The following DYM variants were observed in gnomAD, a reference collection of about 807,000 sequenced individuals.
The protein encoded by DYM is dyggve-Melchior-Clausen syndrome protein.
Under a neutral mutation model 93.1 loss-of-function variants are expected in DYM, and 78 were observed. That is an observed-to-expected ratio of 0.84 (90% CI 0.70 to 1.01). The LOEUF is 1.01. Among genes scored for constraint, DYM ranks in the 50% least tolerant of loss-of-function variants. The pLI, the probability that DYM is intolerant of heterozygous loss-of-function variation, is 0.00. For synonymous variants in DYM, 321 were observed against 319.7 expected, an observed-to-expected ratio of 1.00 and a Z score of -0.04; for missense variants, 789 against 845.0, an observed-to-expected ratio of 0.93 and a Z score of 0.82.
chr18:49,343,100 A>T (rs970433717), intron 6 of DYM, among the ~76,000 whole-genome samples: 1 of 152,208 alleles, frequency 6.6e-6, no homozygotes, highest in African/African-American at 2.4e-5. Flanking sequence ...TTGTCTGAGG[A>T]TAGTTCTTAT....
At chr18:49,314,393 A>G (rs972295811) in intron 8 of DYM, among the ~76,000 whole-genome samples, 4 of 152,312 alleles carry the variant, frequency 2.6e-5, no homozygotes, top group Admixed American at 2.6e-4. Context: ...ACTTGCTTCA[A>G]GCCTGAGACC....
chr18:49,077,010 G>C (rs1053765997), intron 17 of DYM, among the ~76,000 whole-genome samples: 1 of 152,046 alleles, frequency 6.6e-6, no homozygotes, highest in African/African-American at 2.4e-5. Flanking sequence ...CTTCACAGGA[G>C]GACTTTTTTC....
At chr18:49,206,010 TG>T (rs67206304) in intron 14 of DYM, 38 of 172,928 alleles carry the variant, frequency 2.2e-4, no homozygotes, top group Middle Eastern at 2.1e-3. Flanking sequence ...TTTGTTTTTT[TG>T]TTTTTTGCGG....
intron 15 of DYM, among the ~76,000 whole-genome samples, chr18:49,123,179 T>C (rs2082529929): frequency 6.6e-6 from 1 of 152,250 alleles, no homozygotes; most frequent in South Asian, 2.1e-4. Context: ...ATTATGATCA[T>C]GACTGCTATC....
At chr18:49,137,902 C>T (rs1320499579) in intron 15 of DYM, among the ~76,000 whole-genome samples, 1 of 152,162 alleles carries the variant, frequency 6.6e-6, no homozygotes, top group East Asian at 1.9e-4. Flanking sequence ...ATCTCTGCCA[C>T]ATTTCATCAA....
intron 11 of DYM, among the ~76,000 whole-genome samples, chr18:49,263,394 C>CAG (rs2145307368): frequency 1.3e-5 from 2 of 150,656 alleles, no homozygotes; most frequent in South Asian, 4.3e-4. Context: ...GCTGGGATTA[C>CAG]AGGCGTGAGC....
chr18:49,205,734 AG>A (rs1325304407), intron 14 of DYM, among the ~76,000 whole-genome samples: 1 of 152,194 alleles, frequency 6.6e-6, no homozygotes, highest in Non-Finnish European at 1.5e-5. Flanking sequence ...CCTCATAGAC[AG>A]CACAGTTTAC....
chr18:49,363,320 G>A, intron 5 of DYM, 87 bp from the exon 6 acceptor site: 1 of 912,168 alleles, frequency 1.1e-6, no homozygotes, highest in Non-Finnish European at 1.8e-6. Context: ...TTCCTAATGA[G>A]AATACAAACA....
Position 49,081,076 on chromosome 18 carries a change from G to A in DYM, c.2025+16326C>T, listed in dbSNP as rs1350172736. Among the ~76,000 whole-genome samples the A allele has an allele frequency of 1.2e-3, 186 of 151,504 alleles. 1 individual carries two copies. The highest frequency in any genetic ancestry group is 1.0e-3 in the Non-Finnish European group (71 of 67,814). ...CCCAGACGATGGGCGGCCAGGCAGA[G>A]ACGCTCCTCACTTCCCAGACGGGGT... On this transcript the variant is annotated intron_variant, in intron 17 of 17. Transcript: ENST00000675505.
At position 49,171,587 on chromosome 18, in the gene DYM, A is replaced by C. The variant is rs572140206; in HGVS notation, c.1626-7800T>G. ...TGTAAAACAATAAAAAATTAAAAAA[A>C]CCAAAAAACTATTAAAATTATTAGA... On this transcript the variant is annotated intron_variant, in intron 14 of 17. Coordinates refer to ENST00000675505, the MANE Select transcript of DYM (RefSeq NM_001353214.3). Among the ~76,000 whole-genome samples the C allele has an allele frequency of 3.5e-4, 53 of 152,322 alleles. No homozygotes were observed. The South Asian group carries it at 3.9e-3, about 11-fold the overall frequency.
chr18:49,067,978 G>C (rs2144812529), intron 17 of DYM, among the ~76,000 whole-genome samples: 1 of 152,196 alleles, frequency 6.6e-6, no homozygotes, highest in Admixed American at 6.5e-5. Flanking sequence ...TCACAAAGAG[G>C]ATAGGTCAAT....
At chr18:49,326,485 A>C (rs2062887778) in intron 8 of DYM, among the ~76,000 whole-genome samples, 1 of 152,046 alleles carries the variant, frequency 6.6e-6, no homozygotes, top group African/African-American at 2.4e-5. Context: ...AAAAAAAAAA[A>C]ACCTAAAATC....
chr18:49,431,233 G>C (rs1210762779), intron 1 of DYM, among the ~76,000 whole-genome samples: 1 of 152,164 alleles, frequency 6.6e-6, no homozygotes, highest in African/African-American at 2.4e-5. Flanking sequence ...AATTACAAAG[G>C]AATCACATTT....
chr18:49,183,303 T>C (rs2090104962), intron 14 of DYM, among the ~76,000 whole-genome samples: 1 of 152,220 alleles, frequency 6.6e-6, no homozygotes, highest in East Asian at 1.9e-4. Flanking sequence ...AAAATCAACA[T>C]ATTAGGTACT....
At chr18:49,117,289 G>T (rs1031009841) in intron 16 of DYM, among the ~76,000 whole-genome samples, 2 of 152,174 alleles carry the variant, frequency 1.3e-5, no homozygotes, top group Admixed American at 6.5e-5. Context: ...GAAAGCCAAT[G>T]AAATTAAGCT....
intron 16 of DYM, among the ~76,000 whole-genome samples, chr18:49,111,698 T>G (rs1241347597): frequency 6.6e-6 from 1 of 152,174 alleles, no homozygotes; most frequent in African/African-American, 2.4e-5. Flanking sequence ...CAGTGAGTTC[T>G]GCATACCTGG....
Position 49,040,700 on chromosome 18 carries a change from G to T in DYM, c.*3355C>A, listed in dbSNP as rs1378058569. Among the ~76,000 whole-genome samples, 2 of 152,104 alleles carry T rather than the reference G, an allele frequency of 1.3e-5. No homozygotes were observed. The highest frequency in any genetic ancestry group is 2.4e-5 in the African/African-American group (1 of 41,408). Reference sequence around the variant, plus strand: ...TAGGAAAGAATTAAGAGACCCAAAGGGTTGACCTTGCAGAGACTCCAGCCT... The same window carrying T: ...TAGGAAAGAATTAAGAGACCCAAAGTGTTGACCTTGCAGAGACTCCAGCCT... On this transcript the variant is annotated 3_prime_UTR_variant, in exon 18 of 18. Transcript: ENST00000675505.
At chr18:49,273,415 T>A (rs1218619240) in intron 10 of DYM, among the ~76,000 whole-genome samples, 2 of 152,186 alleles carry the variant, frequency 1.3e-5, no homozygotes, top group South Asian at 4.1e-4. Flanking sequence ...CATAGTTACA[T>A]TTTTTAGTCA....
intron 8 of DYM, among the ~76,000 whole-genome samples, chr18:49,326,076 A>C (rs1389561849): frequency 4.6e-5 from 7 of 152,198 alleles, no homozygotes; most frequent in Non-Finnish European, 2.9e-5. Flanking sequence ...ATAATTACTG[A>C]AGGTGCGAAT....
Sources: allele counts gnomAD v4.1 joint callset (sites outside exome capture counted in the v4.1 genomes callset), GRCh38; gene constraint gnomAD v4.1.1; transcripts MANE v1.5; gene names NCBI Gene and HGNC (gene_info 2026-07-23, HGNC 2026-07-21).